Variants in ACTN1 observed in about 807,000 individuals in gnomAD.
ACTN1 encodes the protein actinin alpha 1.
A neutral mutation model predicts 119.6 loss-of-function variants in ACTN1; 30 were observed. The observed-to-expected ratio is 0.25, with a 90% CI of 0.19 to 0.34. ACTN1 has a LOEUF of 0.34. Among genes scored for constraint, ACTN1 ranks in the 10% least tolerant of loss-of-function variants. The probability of loss-of-function intolerance (pLI) is 1.00; values close to 1 mark genes in which losing one functional copy is unlikely to be tolerated. For synonymous variants in ACTN1, 429 were observed against 472.6 expected (o/e 0.91, Z 1.20); for missense variants, 764 against 1,223.4 (o/e 0.62, Z 5.60).
rs556776185 is a variant in ACTN1, at chr14:68,921,398, C to T, written c.221-273G>A. 2.7e-4 allele frequency: 85 copies of T among 313,650 alleles called. 1 individual carries two copies. The highest frequency in any genetic ancestry group is 7.8e-4 in the African/African-American group (36 of 46,338). 19.4% of individuals were successfully genotyped at this position (313,650 alleles called of 1,614,324 possible). ...CAACATTTATTTATCGAGCCCCTAC[C>T]GCATGCCAGGGATTTGGCTGGGTGC... On this transcript the variant is annotated intron_variant, in intron 2 of 21. Transcript: ENST00000394419.
chr14:68,954,610 G>A (rs1444715430), intron 1 of ACTN1, among the ~76,000 whole-genome samples: 1 of 152,196 alleles, frequency 6.6e-6, no homozygotes, highest in African/African-American at 2.4e-5. Flanking sequence ...ACAGGCATGA[G>A]CCACCACACC....
intron 1 of ACTN1, among the ~76,000 whole-genome samples, chr14:68,972,526 A>G (rs1434046781): frequency 6.6e-6 from 1 of 152,250 alleles, no homozygotes; most frequent in Non-Finnish European, 1.5e-5. Flanking sequence ...CCATAAAGTC[A>G]CCATTTTAAA....
intron 1 of ACTN1, among the ~76,000 whole-genome samples, chr14:68,970,315 G>A (rs1467128284): frequency 1.3e-5 from 2 of 152,122 alleles, no homozygotes; most frequent in Non-Finnish European, 2.9e-5. Context: ...TCTCTGACCT[G>A]GCACAAAAAC....
At chr14:68,976,910 C>T (rs1217370146) in intron 1 of ACTN1, among the ~76,000 whole-genome samples, 1 of 152,220 alleles carries the variant, frequency 6.6e-6, no homozygotes, top group Non-Finnish European at 1.5e-5. Context: ...AGGCCTGGGG[C>T]ACACCCACTG....
At chr14:68,923,856 C>T (rs1372438349) in intron 2 of ACTN1, among the ~76,000 whole-genome samples, 1 of 152,118 alleles carries the variant, frequency 6.6e-6, no homozygotes, top group African/African-American at 2.4e-5. Context: ...ACCCAAGTGA[C>T]CACCGACAGG....
chr14:68,973,188 GAGA>G (rs367672273), intron 1 of ACTN1, among the ~76,000 whole-genome samples: 1 of 152,310 alleles, frequency 6.6e-6, no homozygotes, highest in Non-Finnish European at 1.5e-5. Flanking sequence ...CTGCTGAGAA[GAGA>G]AGGATTCCTG....
Position 68,925,747 on chromosome 14 carries a change from GC to G in ACTN1, c.106-76del. The G allele has an allele frequency of 8.1e-7, 1 of 1,229,138 alleles. No individual in the cohort carries two copies. The highest frequency in any genetic ancestry group is 1.2e-6 in the Non-Finnish European group (1 of 857,484). The allele number at this position is 1,229,138 out of a possible 1,614,324, so 76.1% of individuals were successfully genotyped here. ...CTCATTGGACAAGCCATTTAATGGTGCCAGGGGGTGGGAGGTGGACACCTAC... is the reference window on the plus strand; with the variant it reads ...CTCATTGGACAAGCCATTTAATGGTGCAGGGGGTGGGAGGTGGACACCTAC... On this transcript the variant is annotated intron_variant, in intron 1 of 21. Coordinates refer to ENST00000394419, the MANE Select transcript of ACTN1 (RefSeq NM_001130004.2). This position sits in a 1 kb window ranked among gnomAD's most constrained non-coding sequence, Gnocchi z 4.3.
At chr14:68,923,428 G>A (rs2034756675) in intron 2 of ACTN1, among the ~76,000 whole-genome samples, 1 of 152,136 alleles carries the variant, frequency 6.6e-6, no homozygotes, top group African/African-American at 2.4e-5. Flanking sequence ...CCCTCAAGCT[G>A]CATTTTGAAG....
At chr14:68,937,920 C>T (rs1239481818) in intron 1 of ACTN1, among the ~76,000 whole-genome samples, 1 of 152,272 alleles carries the variant, frequency 6.6e-6, no homozygotes, top group Non-Finnish European at 1.5e-5. Flanking sequence ...GTTGAGTCCT[C>T]TGCAGCATCC....
rs1464013601 is a variant in ACTN1, at chr14:68,877,355, T to C, written c.2428-115A>G. On this transcript the variant is annotated intron_variant, in intron 20 of 21. Coordinates refer to ENST00000394419, the MANE Select transcript of ACTN1 (RefSeq NM_001130004.2). ...CCTATGGCTGGAAGAGAAGGGCACA[T>C]CCCCCTGACCTAACCTGGGTTGTCC... The C allele has an allele frequency of 5.3e-6, 7 of 1,323,662 alleles. No homozygotes were observed. The East Asian group carries it at 1.4e-4, about 27-fold the overall frequency. The allele number at this position is 1,323,662 out of a possible 1,614,324, so 82.0% of individuals were successfully genotyped here.
At position 68,875,159 on chromosome 14, in the gene ACTN1, C is replaced by T. The variant is rs535198159; in HGVS notation, c.2587-142G>A. The T allele has an allele frequency of 5.6e-5, 85 of 1,528,110 alleles. No individual in the cohort carries two copies. The African/African-American group carries it at 1.0e-3, about 18-fold the overall frequency. The allele number at this position is 1,528,110 out of a possible 1,614,324, so 94.7% of individuals were successfully genotyped here. A position where few individuals can be genotyped will look rare whatever the true frequency, so the allele number is the denominator to read the frequency against. On this transcript the variant is annotated intron_variant, in intron 21 of 21. Coordinates refer to ENST00000394419, the MANE Select transcript of ACTN1 (RefSeq NM_001130004.2). ...CTCCCTCCTGTAACTACAGGATGTA[C>T]GGACGTAAATATCCACACATGTACA...
chr14:68,975,640 T>C, intron 1 of ACTN1, among the ~76,000 whole-genome samples: 1 of 151,960 alleles, frequency 6.6e-6, no homozygotes, highest in East Asian at 1.9e-4. Context: ...ACCCTGAAAA[T>C]AACAGCAACT....
chr14:68,940,941 C>A (rs2035743340), intron 1 of ACTN1, among the ~76,000 whole-genome samples: 2 of 152,212 alleles, frequency 1.3e-5, no homozygotes, highest in South Asian at 2.1e-4. Context: ...CCACAGTCCA[C>A]CCCTGGGTCA....
At chr14:68,888,003 G>A in intron 11 of ACTN1, 1 of 755,178 alleles carries the variant, frequency 1.3e-6, no homozygotes, top group Admixed American at 1.7e-5. Context: ...TTTGCAGGAG[G>A]TTTAACTGAC....
chr14:68,938,767 G>GGTCA (rs1198796783), intron 1 of ACTN1, among the ~76,000 whole-genome samples: 1 of 152,120 alleles, frequency 6.6e-6, no homozygotes, highest in Non-Finnish European at 1.5e-5. Context: ...CAATGTCAGC[G>GGTCA]GTCAGCATGC....
chr14:68,920,957 G>A, intron 3 of ACTN1, 49 bp downstream of exon 3: 4 of 1,606,178 alleles, frequency 2.5e-6, no homozygotes, highest in Non-Finnish European at 3.4e-6. Context: ...AGAGAACCAG[G>A]GGGACAAAGA....
intron 11 of ACTN1, among the ~76,000 whole-genome samples, chr14:68,889,827 G>C (rs1052578726): frequency 3.3e-5 from 5 of 152,000 alleles, no homozygotes; most frequent in African/African-American, 7.2e-5. Context: ...TGAACACTCG[G>C]GGTAGAGGAT....
At chr14:68,888,988 TC>T (rs1347413726) in intron 11 of ACTN1, among the ~76,000 whole-genome samples, 1 of 152,044 alleles carries the variant, frequency 6.6e-6, no homozygotes, top group African/African-American at 2.4e-5. Flanking sequence ...CCTTCTCATC[TC>T]CAACCTAAGA....
chr14:68,977,263 T>C (rs1478977071), intron 1 of ACTN1: 1 of 152,272 alleles, frequency 6.6e-6, no homozygotes, highest in South Asian at 2.1e-4. Context: ...TGGTGCCCCA[T>C]AGGGATCTCC....
Sources: gnomAD v4.1 joint callset for allele counts (sites outside exome capture counted in the v4.1 genomes callset) on GRCh38, gnomAD v4.1.1 for gene constraint, Gnocchi (gnomAD v3.1) non-coding constraint, MANE v1.5 for transcripts, NCBI Gene and HGNC (gene_info 2026-07-23, HGNC 2026-07-21) for gene names.